The following CDH13 variants were observed in gnomAD, a reference collection of about 807,000 sequenced individuals.
CDH13 encodes cadherin-13.
A neutral mutation model predicts 63.8 loss-of-function variants in CDH13; 24 were observed. The observed-to-expected ratio is 0.38, with a 90% CI of 0.27 to 0.53. The LOEUF is 0.53. Among genes scored for constraint, CDH13 ranks in the 20% least tolerant of loss-of-function variants. The pLI is 0.85. For synonymous variants in CDH13, 503 were observed against 355.3 expected (o/e 1.42, Z -4.67); for missense variants, 1,049 against 903.1 (o/e 1.16, Z -2.07).
At chr16:83,549,869 G>A (rs182674495) in intron 7 of CDH13, among the ~76,000 whole-genome samples, 71 of 152,278 alleles carry the variant, frequency 4.7e-4, no homozygotes, top group Non-Finnish European at 9.6e-4. Context: ...GTGGCAGGAG[G>A]TGAAAGAGAG....
intron 7 of CDH13, among the ~76,000 whole-genome samples, chr16:83,595,837 C>T (rs998426788): frequency 1.3e-5 from 2 of 152,186 alleles, no homozygotes; most frequent in African/African-American, 2.4e-5. Context: ...CCACAAGTTC[C>T]TTTGCTTGCA....
At chr16:83,224,826 A>G (rs1000868162) in intron 5 of CDH13, among the ~76,000 whole-genome samples, 2 of 152,148 alleles carry the variant, frequency 1.3e-5, no homozygotes, top group Admixed American at 1.3e-4. Flanking sequence ...GGTGTTTATC[A>G]CTCAGCCCAG....
intron 7 of CDH13, among the ~76,000 whole-genome samples, chr16:83,549,378 A>G (rs2075448794): frequency 6.6e-6 from 1 of 152,228 alleles, no homozygotes. Context: ...AGAAGAAAGT[A>G]CCACATCAGC....
chr16:83,416,811 C>T (rs1426929196), intron 6 of CDH13, among the ~76,000 whole-genome samples: 1 of 152,120 alleles, frequency 6.6e-6, no homozygotes, highest in Non-Finnish European at 1.5e-5. Context: ...TGTCTTTAAG[C>T]CACCTAATTA....
chr16:83,506,424 G>A (rs2074396750), intron 7 of CDH13, among the ~76,000 whole-genome samples: 1 of 152,188 alleles, frequency 6.6e-6, no homozygotes, highest in African/African-American at 2.4e-5. Context: ...CTTCCTTTAT[G>A]TAACCTCCTT....
intron 11 of CDH13, among the ~76,000 whole-genome samples, chr16:83,752,364 C>T (rs1913159042): frequency 6.6e-6 from 1 of 152,038 alleles, no homozygotes; most frequent in African/African-American, 2.4e-5. Flanking sequence ...TACCGTGTCC[C>T]GAATATTAAG....
intron 5 of CDH13, among the ~76,000 whole-genome samples, chr16:83,299,734 C>A (rs1000085080): frequency 6.6e-6 from 1 of 152,206 alleles, no homozygotes; most frequent in Non-Finnish European, 1.5e-5. Context: ...GTTATTACTG[C>A]AATCTCAAGT....
rs193059715 is a variant in CDH13 at position 82,924,970 on chromosome 16, G to A, written c.157+66497G>A. Among the ~76,000 whole-genome samples, 30 of 151,944 alleles carry A rather than the reference G, an allele frequency of 2.0e-4. No individual in the cohort carries two copies. In the East Asian group the frequency reaches 4.8e-3, roughly 24 times the overall value. On this transcript the variant is annotated intron_variant, in intron 2 of 13. Coordinates refer to ENST00000567109, the MANE Select transcript of CDH13 (RefSeq NM_001257.5). Reference sequence around the variant, plus strand: ...TGTTTATTTTTTCCTTAAAAACTTCGCATGAGACTTTAGAACCGTATACGA... The same window carrying A: ...TGTTTATTTTTTCCTTAAAAACTTCACATGAGACTTTAGAACCGTATACGA...
intron 7 of CDH13, among the ~76,000 whole-genome samples, chr16:83,541,994 C>T (rs1010255929): frequency 6.6e-6 from 1 of 152,206 alleles, no homozygotes; most frequent in South Asian, 2.1e-4. Flanking sequence ...GCTATTATTG[C>T]TATTAGTATT....
intron 1 of CDH13, among the ~76,000 whole-genome samples, chr16:82,809,871 A>G (rs933324895): frequency 2.0e-5 from 3 of 152,142 alleles, no homozygotes; most frequent in Non-Finnish European, 4.4e-5. Context: ...AACAATTTAC[A>G]GCCTTCTCAA....
At chr16:82,772,280 G>A (rs754245673) in intron 1 of CDH13, among the ~76,000 whole-genome samples, 10 of 152,122 alleles carry the variant, frequency 6.6e-5, no homozygotes, top group African/African-American at 1.9e-4. Context: ...GCATACTACC[G>A]GAGCTGCTGG....
At chr16:83,365,157 G>A (rs551838546) in intron 6 of CDH13, among the ~76,000 whole-genome samples, 1 of 152,358 alleles carries the variant, frequency 6.6e-6, no homozygotes, top group South Asian at 2.1e-4. Flanking sequence ...GAAAGCTGAT[G>A]TGTGGCTCCA....
At chr16:82,663,913 C>T (rs1055182094) in intron 1 of CDH13, among the ~76,000 whole-genome samples, 1 of 152,200 alleles carries the variant, frequency 6.6e-6, no homozygotes, top group African/African-American at 2.4e-5. Flanking sequence ...CCTCCCTCCT[C>T]CTACCATGGC....
intron 4 of CDH13, among the ~76,000 whole-genome samples, chr16:83,159,209 C>A (rs1274095551): frequency 6.6e-6 from 1 of 152,018 alleles, no homozygotes; most frequent in Non-Finnish European, 1.5e-5. Flanking sequence ...AAAAAAAGAC[C>A]ATTCATCAGT....
chr16:82,648,078 G>C (rs1204370021), intron 1 of CDH13, among the ~76,000 whole-genome samples: 1 of 152,162 alleles, frequency 6.6e-6, no homozygotes, highest in East Asian at 1.9e-4. Flanking sequence ...GTCTTCCACT[G>C]TGATTGTGAG....
At chr16:82,872,230 G>C (rs2040366480) in intron 2 of CDH13, among the ~76,000 whole-genome samples, 1 of 152,190 alleles carries the variant, frequency 6.6e-6, no homozygotes, top group Non-Finnish European at 1.5e-5. Context: ...TAGGTGGCAG[G>C]GGATAAGGAC....
Position 82,642,250 on chromosome 16 carries a change from G to T in CDH13, c.45+15113G>T, listed in dbSNP as rs1909501103. On this transcript the variant is annotated intron_variant, in intron 1 of 13. Transcript: ENST00000567109. ...ATTGTTGTTGACACACAATAGAGTT[G>T]CATTTAACTCAGAGGTTAGACTATA... Among the ~76,000 whole-genome samples, 3 of 152,162 alleles carry T rather than the reference G, an allele frequency of 2.0e-5. No homozygotes were observed. In the South Asian group the frequency reaches 6.2e-4, roughly 31 times the overall value.
intron 5 of CDH13, among the ~76,000 whole-genome samples, chr16:83,303,793 A>T (rs966799786): frequency 6.6e-6 from 1 of 152,124 alleles, no homozygotes; most frequent in Non-Finnish European, 1.5e-5. Flanking sequence ...TTGTGTTCTG[A>T]TCCCCAATAC....
intron 2 of CDH13, among the ~76,000 whole-genome samples, chr16:83,031,171 TAC>T: frequency 6.9e-6 from 1 of 144,824 alleles, no homozygotes; most frequent in African/African-American, 2.5e-5. Flanking sequence ...TGTAGGTATA[TAC>T]ATGCGCATGT....
Sources: allele counts gnomAD v4.1 joint callset (sites outside exome capture counted in the v4.1 genomes callset), GRCh38; gene constraint gnomAD v4.1.1; transcripts MANE v1.5; gene names NCBI Gene and HGNC (gene_info 2026-07-23, HGNC 2026-07-21).